The following GAP43 variants were observed in gnomAD, a reference collection of about 807,000 sequenced individuals.
GAP43 encodes growth associated protein 43, also known as neuromodulin.
Under a neutral mutation model 18.6 loss-of-function variants are expected in GAP43, and 6 were observed. The ratio of observed to expected loss-of-function variants is 0.32; its 90% CI spans 0.18 to 0.64. The LOEUF (loss-of-function observed/expected upper bound fraction) is 0.64, where lower values mean the gene tolerates loss of function less well. Among genes scored for constraint, GAP43 ranks in the 30% least tolerant of loss-of-function variants. The pLI, the probability that GAP43 is intolerant of heterozygous loss-of-function variation, is 0.78. For synonymous variants in GAP43, 115 were observed against 111.4 expected (o/e 1.03, Z -0.20); for missense variants, 292 against 295.5 (o/e 0.99, Z 0.09).
chr3:115,715,914 G>A (rs72945803), intron 2 of GAP43, among the ~76,000 whole-genome samples: 112 of 152,284 alleles, frequency 7.4e-4, no homozygotes, highest in African/African-American at 2.3e-3. Context: ...TCTGTCCTAC[G>A]TTGGAATTTA....
intron 1 of GAP43, among the ~76,000 whole-genome samples, chr3:115,652,543 C>G (rs772143170): frequency 7.3e-5 from 11 of 151,512 alleles, no homozygotes; most frequent in Non-Finnish European, 1.0e-4. Context: ...TGCCACCATG[C>G]CCAGCTAATT....
intron 2 of GAP43, among the ~76,000 whole-genome samples, chr3:115,714,869 G>A (rs183305645): frequency 1.9e-4 from 25 of 131,218 alleles, no homozygotes; most frequent in East Asian, 1.9e-3. Context: ...ACACGTGTGC[G>A]CGTGCACACA....
At chr3:115,690,148 T>C (rs1299283387) in intron 2 of GAP43, among the ~76,000 whole-genome samples, 1 of 152,238 alleles carries the variant, frequency 6.6e-6, no homozygotes, top group Non-Finnish European at 1.5e-5. Context: ...AAAGGGTTCC[T>C]TGACAAATGG....
At chr3:115,665,601 C>A (rs1708722164) in intron 1 of GAP43, among the ~76,000 whole-genome samples, 1 of 152,004 alleles carries the variant, frequency 6.6e-6, no homozygotes, top group Non-Finnish European at 1.5e-5. Context: ...CTGTCATTTC[C>A]CCCCACCACA....
chr3:115,693,179 T>G (rs992157587), intron 2 of GAP43, among the ~76,000 whole-genome samples: 1 of 152,224 alleles, frequency 6.6e-6, no homozygotes, highest in Non-Finnish European at 1.5e-5. Context: ...CCAGGCCCAC[T>G]GCAGCCTCCA....
intron 2 of GAP43, among the ~76,000 whole-genome samples, chr3:115,698,925 C>T (rs76128920): frequency 0.036 from 5,513 of 152,192 alleles, 303 homozygotes; most frequent in African/African-American, 0.12. Flanking sequence ...CCAACCCTTA[C>T]GTATGACAAC....
intron 2 of GAP43, among the ~76,000 whole-genome samples, chr3:115,718,695 A>C (rs1469147412): frequency 6.6e-6 from 1 of 152,198 alleles, no homozygotes; most frequent in Non-Finnish European, 1.5e-5. Flanking sequence ...AACCCTGGTC[A>C]AAAGTGAGTA....
At chr3:115,635,275 C>G (rs1420504952) in intron 1 of GAP43, among the ~76,000 whole-genome samples, 3 of 152,154 alleles carry the variant, frequency 2.0e-5, no homozygotes, top group African/African-American at 7.2e-5. Flanking sequence ...CGATAATCCT[C>G]TTCAGTGTGC....
chr3:115,698,473 G>C (rs58582462), intron 2 of GAP43, among the ~76,000 whole-genome samples: 3,977 of 149,388 alleles, frequency 0.027, 163 homozygotes, highest in African/African-American at 0.094. Flanking sequence ...AACTGTGGTT[G>C]GTAAGAATAA....
intron 2 of GAP43, among the ~76,000 whole-genome samples, chr3:115,685,862 G>T (rs1275189472): frequency 6.6e-6 from 1 of 152,080 alleles, no homozygotes; most frequent in African/African-American, 2.4e-5. Flanking sequence ...AATTATAATA[G>T]ATTCATAAGA....
chr3:115,633,711 A>G (rs558218873), intron 1 of GAP43, among the ~76,000 whole-genome samples: 15 of 152,274 alleles, frequency 9.9e-5, no homozygotes, highest in East Asian at 3.9e-4. Context: ...CTGGGTTTTC[A>G]CCATCCTCCT....
chr3:115,655,827 A>G (rs1426219050), intron 1 of GAP43, among the ~76,000 whole-genome samples: 1 of 152,238 alleles, frequency 6.6e-6, no homozygotes, highest in Non-Finnish European at 1.5e-5. Flanking sequence ...CTATGCTTCT[A>G]TAATTCCACA....
intron 2 of GAP43, among the ~76,000 whole-genome samples, chr3:115,698,133 T>A (rs866550637): frequency 0.021 from 197 of 9,372 alleles, 4 homozygotes; most frequent in African/African-American, 0.037. Context: ...TTATATATAA[T>A]ATATATAATA....
rs1170316295 is a variant in GAP43, at chr3:115,676,403, G to C, written c.421G>C (p.Glu141Gln). The C allele has an allele frequency of 6.2e-7, 1 of 1,613,976 alleles. No individual in the cohort carries two copies. Among genetic ancestry groups the C allele is most frequent in the Non-Finnish European group, 8.5e-7 (1 of 1,179,884 alleles). The change falls in exon 2 of 3, where the codon GAA (glutamate) becomes CAA (glutamine). Residue 141 changes from glutamate (E) to glutamine (Q), a missense_variant. Transcript: ENST00000305124. ...GGAGAAGGCCGGCTCAGCTGAGACA[G>C]AAAGTGCCACTAAAGCTTCCACTGA... Reference protein sequence around the residue: ...SEEKAGSAETESATKASTDNS... With the variant: ...SEEKAGSAETQSATKASTDNS...
At chr3:115,645,963 G>A (rs1708453468) in intron 1 of GAP43, among the ~76,000 whole-genome samples, 2 of 151,984 alleles carry the variant, frequency 1.3e-5, no homozygotes, top group Non-Finnish European at 2.9e-5. Flanking sequence ...TAAGATAATG[G>A]TCAATTGTCA....
At chr3:115,674,606 T>C (rs1183825930) in intron 1 of GAP43, among the ~76,000 whole-genome samples, 1 of 152,232 alleles carries the variant, frequency 6.6e-6, no homozygotes, top group African/African-American at 2.4e-5. Context: ...AATAAAGAAT[T>C]GTGACTTAGT....
intron 1 of GAP43, chr3:115,663,579 T>C (rs909016372): frequency 1.5e-5 from 19 of 1,306,322 alleles, no homozygotes; most frequent in African/African-American, 4.6e-5. Flanking sequence ...GAATTTTCCC[T>C]GTCAAAATCT....
At chr3:115,632,792 A>G (rs1708276390) in intron 1 of GAP43, among the ~76,000 whole-genome samples, 1 of 152,226 alleles carries the variant, frequency 6.6e-6, no homozygotes, top group African/African-American at 2.4e-5. Flanking sequence ...TGTGTTAACT[A>G]GAAATTTGAA....
intron 1 of GAP43, among the ~76,000 whole-genome samples, chr3:115,645,597 C>T (rs1470022379): frequency 7.7e-6 from 1 of 130,632 alleles, no homozygotes; most frequent in Non-Finnish European, 1.7e-5. Flanking sequence ...CTAGTAAATA[C>T]TAGTATCTTG....
Sources: allele counts gnomAD v4.1 joint callset (sites outside exome capture counted in the v4.1 genomes callset), GRCh38; gene constraint gnomAD v4.1.1; transcripts MANE v1.5; gene names NCBI Gene and HGNC (gene_info 2026-07-23, HGNC 2026-07-21).